FSTL5: variants seen among roughly 807,000 people sequenced by gnomAD.
FSTL5 encodes follistatin like 5, also known as follistatin-related protein 5.
In FSTL5, 62 loss-of-function variants were observed where a neutral mutation model predicts 89.1. The ratio of observed to expected loss-of-function variants is 0.70; its 90% CI spans 0.57 to 0.86. FSTL5 has a LOEUF of 0.86. Ranked by LOEUF, FSTL5 falls within the 40% of genes least tolerant of loss-of-function variation. The probability of loss-of-function intolerance (pLI) is 0.00; values close to 1 mark genes in which losing one functional copy is unlikely to be tolerated. For synonymous variants in FSTL5, 383 were observed against 346.2 expected, an observed-to-expected ratio of 1.11 and a Z score of -1.18; for missense variants, 1,057 against 1,001.6, an observed-to-expected ratio of 1.06 and a Z score of -0.75.
At chr4:161,490,435 CCTA>C (rs1729827162) in intron 12 of FSTL5, among the ~76,000 whole-genome samples, 1 of 152,082 alleles carries the variant, frequency 6.6e-6, no homozygotes, top group African/African-American at 2.4e-5. Flanking sequence ...TCTCACTCTG[CCTA>C]CTAACTAAAA....
intron 7 of FSTL5, among the ~76,000 whole-genome samples, chr4:161,641,239 C>T (rs1335443506): frequency 6.6e-6 from 1 of 152,176 alleles, no homozygotes; most frequent in Non-Finnish European, 1.5e-5. Flanking sequence ...AATGCAAGGA[C>T]ATTGTAGCTC....
chr4:161,416,256 C>T (rs1476170197), intron 15 of FSTL5, among the ~76,000 whole-genome samples: 1 of 152,094 alleles, frequency 6.6e-6, no homozygotes, highest in Non-Finnish European at 1.5e-5. Flanking sequence ...TGCCATGGCT[C>T]ATCAGAATAA....
At chr4:162,090,090 A>C (rs1730487507) in intron 2 of FSTL5, among the ~76,000 whole-genome samples, 1 of 152,164 alleles carries the variant, frequency 6.6e-6, no homozygotes, top group Non-Finnish European at 1.5e-5. Flanking sequence ...ACAAAAGTCA[A>C]CTCAAGATGG....
At chr4:161,992,861 AATAT>A (rs1214124720) in intron 3 of FSTL5, among the ~76,000 whole-genome samples, 24 of 76,254 alleles carry the variant, frequency 3.1e-4, no homozygotes, top group East Asian at 2.4e-3. Flanking sequence ...AAAAAAAAAA[AATAT>A]ATATATATAT....
chr4:161,695,423 A>ATGTGTG (rs1738107661), intron 6 of FSTL5, among the ~76,000 whole-genome samples: 2 of 23,478 alleles, frequency 8.5e-5, no homozygotes, highest in Non-Finnish European at 1.2e-4. Flanking sequence ...TCCATGGTGT[A>ATGTGTG]CGTGTGTGTG....
At chr4:161,877,777 GA>G (rs1338166876) in intron 4 of FSTL5, among the ~76,000 whole-genome samples, 1 of 151,944 alleles carries the variant, frequency 6.6e-6, no homozygotes, top group Non-Finnish European at 1.5e-5. Flanking sequence ...AGTGAGCCGA[GA>G]TCGCGCCACT....
At position 161,912,640 on chromosome 4, in the gene FSTL5, C is replaced by T. The variant is rs184325339; in HGVS notation, c.409+7764G>A. ...GTCTCGGGTATGTCTTCATCAACAG[C>T]GTGAAAATGAACTAATACAGTAAAT... On this transcript the variant is annotated intron_variant, in intron 4 of 15. Transcript: ENST00000306100. 1.4e-3 allele frequency among the ~76,000 whole-genome samples: 208 copies of T among 152,144 alleles called. 1 individual carries two copies. The highest frequency in any genetic ancestry group is 4.7e-3 in the African/African-American group (193 of 41,490).
At chr4:161,641,161 AG>A in intron 7 of FSTL5, among the ~76,000 whole-genome samples, 1 of 152,190 alleles carries the variant, frequency 6.6e-6, no homozygotes, top group East Asian at 1.9e-4. Context: ...GGAGCTCTGC[AG>A]GGTGAAAAAA....
intron 2 of FSTL5, among the ~76,000 whole-genome samples, chr4:162,066,302 C>CTTCTTCTTCTTCTTCTTCTT (rs1561000322): frequency 1.0e-4 from 3 of 29,226 alleles, no homozygotes; most frequent in South Asian, 1.1e-3. Context: ...TCCTACTTTT[C>CTTCTTCTTCTTCTTCTTCTT]TTCTTCTTCT....
chr4:161,575,642 C>A lies in FSTL5; in HGVS notation c.1015+11813G>T, dbSNP rs181592540. 1.4e-3 allele frequency among the ~76,000 whole-genome samples: 210 copies of A among 152,010 alleles called. 1 individual carries two copies. The highest frequency in any genetic ancestry group is 4.8e-3 in the African/African-American group (199 of 41,492). On this transcript the variant is annotated intron_variant, in intron 8 of 15. Transcript: ENST00000306100. ...CTAATTTTTGTATTTTTAGTAGAGACAGGGTTTCACCATCTTGGCCAGGCT... is the reference window on the plus strand; with the variant it reads ...CTAATTTTTGTATTTTTAGTAGAGAAAGGGTTTCACCATCTTGGCCAGGCT...
At position 161,385,673 on chromosome 4, in the gene FSTL5, G is replaced by T. The variant is rs181618554; in HGVS notation, c.*74C>A. On this transcript the variant is annotated 3_prime_UTR_variant, in exon 16 of 16. Transcript: ENST00000306100. ...CTAGGATATAAACTTGGAAAGTTAA[G>T]TTGTAAATTTAAACAATGGATTAAG... 1 of 1,136,088 alleles carries T rather than the reference G, an allele frequency of 8.8e-7. No individual in the cohort carries two copies. The highest frequency in any genetic ancestry group is 1.3e-6 in the Non-Finnish European group (1 of 792,838). The allele number at this position is 1,136,088 out of a possible 1,614,324, so 70.4% of individuals were successfully genotyped here. A position where few individuals can be genotyped will look rare whatever the true frequency, so the allele number is the denominator to read the frequency against.
intron 3 of FSTL5, among the ~76,000 whole-genome samples, chr4:162,008,886 A>G (rs1389823267): frequency 6.6e-6 from 1 of 152,042 alleles, no homozygotes; most frequent in African/African-American, 2.4e-5. Flanking sequence ...TCAAGAAGCT[A>G]TTAAAATGTA....
chr4:162,047,223 G>A (rs1180847656), intron 2 of FSTL5: 2 of 152,094 alleles, frequency 1.3e-5, no homozygotes, highest in Non-Finnish European at 2.9e-5. Flanking sequence ...CTGGGAGACA[G>A]AGAATTGGTT....
chr4:161,385,847 T>C lies in FSTL5; in HGVS notation c.2444A>G (p.Lys815Arg). Reference sequence around the variant, plus strand: ...TCCATCTAGGATGAAGAGAGAGTCCTTGGAAGGTGTCATCAGGTATTGACC... The same window carrying C: ...TCCATCTAGGATGAAGAGAGAGTCCCTGGAAGGTGTCATCAGGTATTGACC... ...LFGQYLMTPS[K>R]DSLFILDGRL... Residue 815 changes from lysine (K) to arginine (R), a missense_variant, in exon 16 of 16, where the codon AAG (lysine) becomes AGG (arginine). By Grantham distance (26) the Lys-to-Arg change is conservative (BLOSUM62 2). Coordinates refer to ENST00000306100, the MANE Select transcript of FSTL5 (RefSeq NM_020116.5). 1 of 1,613,912 alleles carries C rather than the reference T, an allele frequency of 6.2e-7. No homozygotes were observed. Among genetic ancestry groups the C allele is most frequent in the Non-Finnish European group, 8.5e-7 (1 of 1,179,852 alleles).
At chr4:161,409,919 A>G (rs1476964115) in intron 15 of FSTL5, among the ~76,000 whole-genome samples, 1 of 152,186 alleles carries the variant, frequency 6.6e-6, no homozygotes, top group Non-Finnish European at 1.5e-5. Context: ...TTAAATGGCC[A>G]CTTAAAAGAC....
intron 4 of FSTL5, among the ~76,000 whole-genome samples, chr4:161,779,172 A>G (rs1315299013): frequency 6.6e-6 from 1 of 152,204 alleles, no homozygotes; most frequent in Admixed American, 6.5e-5. Context: ...AGTCAGTGTG[A>G]TCATCATAAC....
chr4:161,541,662 T>C (rs982835020), intron 9 of FSTL5, among the ~76,000 whole-genome samples: 2 of 152,030 alleles, frequency 1.3e-5, no homozygotes, highest in African/African-American at 2.4e-5. Flanking sequence ...ATATATCCAC[T>C]ATTAAAGTGG....
chr4:162,009,150 A>C (rs1483552), intron 3 of FSTL5, among the ~76,000 whole-genome samples: 16,253 of 152,026 alleles, frequency 0.11, 901 homozygotes, highest in Non-Finnish European at 0.13. Flanking sequence ...TCAGAACCGA[A>C]AGCCTTGTCC....
At chr4:161,452,832 C>A (rs947500309) in intron 15 of FSTL5, among the ~76,000 whole-genome samples, 15 of 152,110 alleles carry the variant, frequency 9.9e-5, no homozygotes, top group African/African-American at 3.4e-4. Context: ...CTGCACATTC[C>A]TCAAAGGAAT....
Sources: gnomAD v4.1 joint callset for allele counts (sites outside exome capture counted in the v4.1 genomes callset) on GRCh38, gnomAD v4.1.1 for gene constraint, MANE v1.5 for transcripts, NCBI Gene and HGNC (gene_info 2026-07-23, HGNC 2026-07-21) for gene names.